The following CLU variants were observed in gnomAD, a reference collection of about 807,000 sequenced individuals.
CLU encodes the protein aging-associated protein 4.
CLU carries 25 observed loss-of-function variants against 46.4 expected under a neutral mutation model. The ratio of observed to expected loss-of-function variants is 0.54; its 90% CI spans 0.39 to 0.75. The LOEUF (loss-of-function observed/expected upper bound fraction) is 0.75, where lower values mean the gene tolerates loss of function less well. Ranked by LOEUF, CLU falls within the 30% of genes least tolerant of loss-of-function variation. The pLI is 0.00. For missense variants in CLU, 504 were observed against 592.1 expected, an observed-to-expected ratio of 0.85 and a Z score of 1.54; for synonymous variants, 235 against 235.1, an observed-to-expected ratio of 1.00 and a Z score of 0.00.
intron 1 of CLU, among the ~76,000 whole-genome samples, chr8:27,612,647 G>A (rs1490397346): frequency 6.6e-6 from 1 of 152,090 alleles, no homozygotes; most frequent in Non-Finnish European, 1.5e-5. Flanking sequence ...TTTCCAGCCA[G>A]TCTGCAGGTG....
chr8:27,605,769 C>T lies in CLU; in HGVS notation c.418-434G>A, dbSNP rs756827397. 3.3e-5 allele frequency among the ~76,000 whole-genome samples: 5 copies of T among 152,172 alleles called. No homozygotes were observed. In the East Asian group the frequency reaches 9.6e-4, roughly 29 times the overall value. On this transcript the variant is annotated intron_variant, in intron 4 of 8. Coordinates refer to ENST00000316403, the MANE Select transcript of CLU (RefSeq NM_001831.4). ...ATCTTACATTGGCTGGGCATAGTGGCACACATCTATAATCCCAACAATTTG... is the reference window on the plus strand; with the variant it reads ...ATCTTACATTGGCTGGGCATAGTGGTACACATCTATAATCCCAACAATTTG...
chr8:27,606,665 C>T, intron 3 of CLU, 141 bp from the exon 4 acceptor site: 1 of 936,304 alleles, frequency 1.1e-6, no homozygotes, highest in Admixed American at 1.9e-5. Flanking sequence ...CCTACCCTTG[C>T]TCCAGTTCAA....
chr8:27,597,515 C>T lies in CLU; in HGVS notation c.*726G>A, dbSNP rs9331943. 4.4e-6 allele frequency: 2 copies of T among 454,146 alleles called. No homozygotes were observed. Among genetic ancestry groups the T allele is most frequent in the South Asian group, 1.6e-5 (1 of 64,470 alleles). 28.1% of individuals were successfully genotyped at this position (454,146 alleles called of 1,614,324 possible). On this transcript the variant is annotated 3_prime_UTR_variant, in exon 9 of 9. Coordinates refer to ENST00000316403, the MANE Select transcript of CLU (RefSeq NM_001831.4). ...AATCAACAGCTTTTACAAATAAAACCGCTGCAAAAGCAATAGCTCTTACAA... is the reference window on the plus strand; with the variant it reads ...AATCAACAGCTTTTACAAATAAAACTGCTGCAAAAGCAATAGCTCTTACAA...
At chr8:27,601,041 A>G (rs1800711730) in intron 6 of CLU, among the ~76,000 whole-genome samples, 1 of 152,124 alleles carries the variant, frequency 6.6e-6, no homozygotes, top group Non-Finnish European at 1.5e-5. Flanking sequence ...GGTTCTGGAC[A>G]ATCCTCCAAG....
At position 27,598,520 on chromosome 8, in the gene CLU, T is replaced by C. The variant is rs2132849413; in HGVS notation, c.1280A>G (p.Asn427Ser). Reference protein sequence around the residue: ...VTVPVEVSRKNPKFMETVAEK... With the variant: ...VTVPVEVSRKSPKFMETVAEK... ...CGCCACGGTCTCCATAAATTTAGGG[T>C]TCTTCCTGGAGACTTCTACAGGGAC... The change falls in exon 8 of 9, where the codon AAC becomes AGC. Residue 427 changes from asparagine to serine, a missense_variant. Asn to Ser is a conservative substitution (Grantham distance 46, BLOSUM62 1). Transcript: ENST00000316403. 6.2e-7 allele frequency: 1 copy of C among 1,614,064 alleles called. No individual in the cohort carries two copies. Among genetic ancestry groups the C allele is most frequent in the East Asian group, 2.2e-5 (1 of 44,868 alleles).
intron 2 of CLU, among the ~76,000 whole-genome samples, chr8:27,609,821 G>A (rs1249129929): frequency 6.6e-6 from 1 of 152,140 alleles, no homozygotes; most frequent in Non-Finnish European, 1.5e-5. Context: ...TATCATAACT[G>A]GAAATTTGCT....
rs1309884888 is a variant in CLU, at chr8:27,599,561, C to T, written c.1164+219G>A. ...CCCGTCCAAGTCATCTGTCAGCTAT[C>T]ACACCTTGGCCAAGCTGTGGAACCT... On this transcript the variant is annotated intron_variant, in intron 7 of 8. Transcript: ENST00000316403. This position sits in a 1 kb window ranked among gnomAD's most constrained non-coding sequence, Gnocchi z 4.0. 1.8e-6 allele frequency: 1 copy of T among 562,376 alleles called. No homozygotes were observed. The highest frequency in any genetic ancestry group is 3.2e-6 in the Non-Finnish European group (1 of 313,500). The allele number at this position is 562,376 out of a possible 1,614,324, so 34.8% of individuals were successfully genotyped here. A position where few individuals can be genotyped will look rare whatever the true frequency, so the allele number is the denominator to read the frequency against.
At chr8:27,609,169 G>C in intron 2 of CLU, 83 bp from the exon 3 acceptor site, 3 of 1,481,570 alleles carry the variant, frequency 2.0e-6, no homozygotes, top group Non-Finnish European at 2.8e-6. Flanking sequence ...TGGCCAGAAA[G>C]GCCCGTTCAG....
At chr8:27,607,861 C>A (rs1800850031) in intron 3 of CLU, among the ~76,000 whole-genome samples, 1 of 152,156 alleles carries the variant, frequency 6.6e-6, no homozygotes, top group Non-Finnish European at 1.5e-5. Flanking sequence ...TGAGCCAAGA[C>A]ACAAGCGCCA....
At chr8:27,603,203 C>T (rs1800753116) in intron 6 of CLU, among the ~76,000 whole-genome samples, 1 of 152,236 alleles carries the variant, frequency 6.6e-6, no homozygotes, top group Non-Finnish European at 1.5e-5. Flanking sequence ...CAGACCCTAA[C>T]ATGACTTTCT....
chr8:27,605,383 C>G, intron 4 of CLU, 48 bp from the exon 5 acceptor site: 1 of 1,599,592 alleles, frequency 6.3e-7, no homozygotes, highest in Non-Finnish European at 8.6e-7. Flanking sequence ...ACCAAGGCCA[C>G]GGCCTCCTGG....
Position 27,597,600 on chromosome 8 carries a change from A to G in CLU, c.*641T>C. 1 of 454,176 alleles carries G rather than the reference A, an allele frequency of 2.2e-6. No homozygotes were observed. Among genetic ancestry groups the G allele is most frequent in the Non-Finnish European group, 4.4e-6 (1 of 226,806 alleles). 28.1% of individuals were successfully genotyped at this position (454,176 alleles called of 1,614,324 possible). A position where few individuals can be genotyped will look rare whatever the true frequency, so the allele number is the denominator to read the frequency against. ...TGTTTTCATAACGAAAACATCAATT[A>G]TGCATTATAATACCAAGTACACCTT... is the stretch of plus-strand genomic sequence containing the variant. On this transcript the variant is annotated 3_prime_UTR_variant, in exon 9 of 9. Transcript: ENST00000316403.
intron 1 of CLU, 172 bp from the exon 2 acceptor site, chr8:27,610,772 G>T: frequency 1.7e-6 from 1 of 605,764 alleles, no homozygotes. Flanking sequence ...GACTTGCCAT[G>T]GACACCTCGA....
rs145220356 is a variant in CLU at position 27,611,304 on chromosome 8, G to A, written c.-29-704C>T. The A allele has an allele frequency of 5.4e-4, 245 of 455,126 alleles. 2 individuals are homozygous for A. Among genetic ancestry groups the A allele is most frequent in the African/African-American group, 4.6e-3 (229 of 50,170 alleles). 28.2% of individuals were successfully genotyped at this position (455,126 alleles called of 1,614,324 possible). On this transcript the variant is annotated intron_variant, in intron 1 of 8. Coordinates refer to ENST00000316403, the MANE Select transcript of CLU (RefSeq NM_001831.4). ...CAATTCCCTTCGGAGAGTAGAGAGG[G>A]TTCGCAGTGGCCCGAGGAGCAGGCT...
chr8:27,604,456 A>G (rs1260349267), intron 5 of CLU, 61 bp from the exon 6 acceptor site: 38 of 1,243,616 alleles, frequency 3.1e-5, no homozygotes, highest in Non-Finnish European at 3.7e-5. Flanking sequence ...GACTCCACTG[A>G]TTCCTATTGT....
chr8:27,612,356 A>C (rs565835283), intron 1 of CLU, among the ~76,000 whole-genome samples: 35 of 152,326 alleles, frequency 2.3e-4, no homozygotes, highest in African/African-American at 7.0e-4. Context: ...AAATGGATCT[A>C]ATCCAGACCT....
In CLU at chr8:27,606,437, C is replaced by T; in HGVS notation, c.334G>A (p.Glu112Lys). ...CNETMMALWE[E>K]CKPCLKQTCM... ...GTCTGTTTCAGGCAGGGCTTACACTCTTCCCAGAGGGCCATCATGGTCTCA... is the reference window on the plus strand; with the variant it reads ...GTCTGTTTCAGGCAGGGCTTACACTTTTCCCAGAGGGCCATCATGGTCTCA... The change falls in exon 4 of 9, where the codon GAG (glutamate) becomes AAG (lysine). Residue 112 changes from glutamate to lysine, a missense_variant. Physicochemically the swap from Glu to Lys is moderately conservative, Grantham distance 56. Around this residue, in one of 3 missense-constraint regions of CLU, gnomAD observed 428 missense variants for 484.0 expected, o/e 0.88. Coordinates refer to ENST00000316403, the MANE Select transcript of CLU (RefSeq NM_001831.4). The T allele has an allele frequency of 6.2e-7, 1 of 1,614,274 alleles. No homozygotes were observed. Among genetic ancestry groups the T allele is most frequent in the East Asian group, 2.2e-5 (1 of 44,884 alleles).
intron 3 of CLU, chr8:27,608,611 C>A (rs1398851186): frequency 4.0e-6 from 2 of 506,098 alleles, no homozygotes; most frequent in Admixed American, 3.3e-5. Flanking sequence ...TTGGACGCCA[C>A]GCCTGTCTGG....
Position 27,605,203 on chromosome 8 carries a change from A to G in CLU, c.550T>C (p.Ser184Pro). The change falls in exon 5 of 9, where the codon TCC (serine) becomes CCC (proline). Residue 184 changes from serine to proline, a missense_variant. By Grantham distance (74) the Ser-to-Pro change is moderately conservative. This residue lies in a region of CLU where 428 missense variants were observed against 484.0 expected (regional missense o/e 0.88). Coordinates refer to ENST00000316403, the MANE Select transcript of CLU (RefSeq NM_001831.4). ...DVMQDHFSRA[S>P]SIIDELFQDR... is the part of the protein sequence containing the mutation. Reference sequence around the variant, plus strand: ...TGGAAGAGCTCGTCTATGATGCTGGACGCGCGGCTGAAGTGGTCCTGCATG... The same window carrying G: ...TGGAAGAGCTCGTCTATGATGCTGGGCGCGCGGCTGAAGTGGTCCTGCATG... The G allele has an allele frequency of 6.2e-7, 1 of 1,614,122 alleles. No homozygotes were observed. The highest frequency in any genetic ancestry group is 1.3e-5 in the African/African-American group (1 of 75,032).
Sources: allele counts gnomAD v4.1 joint callset (sites outside exome capture counted in the v4.1 genomes callset), GRCh38; gene constraint gnomAD v4.1.1; regional missense constraint gnomAD v4.1.1; non-coding constraint Gnocchi (gnomAD v3.1); transcripts MANE v1.5; gene names NCBI Gene and HGNC (gene_info 2026-07-23, HGNC 2026-07-21).